PHACTR3: variants seen among roughly 807,000 people sequenced by gnomAD.
The protein encoded by PHACTR3 is protein phosphatase 1, regulatory subunit 123.
Under a neutral mutation model 66.8 loss-of-function variants are expected in PHACTR3, and 16 were observed. The observed-to-expected ratio is 0.24, with a 90% CI of 0.16 to 0.36. The LOEUF is 0.36. Among genes scored for constraint, PHACTR3 ranks in the 10% least tolerant of loss-of-function variants. The pLI is 1.00. For synonymous variants in PHACTR3, 323 were observed against 292.1 expected (o/e 1.11, Z -1.08); for missense variants, 647 against 719.9 (o/e 0.90, Z 1.16).
At chr20:59,729,199 A>G (rs539336807) in intron 1 of PHACTR3, among the ~76,000 whole-genome samples, 11 of 152,204 alleles carry the variant, frequency 7.2e-5, no homozygotes, top group African/African-American at 2.6e-4. Flanking sequence ...AAGGGAGGGC[A>G]TTGCGGGAAC....
chr20:59,815,583 C>T (rs2041865434), intron 8 of PHACTR3, among the ~76,000 whole-genome samples: 1 of 152,056 alleles, frequency 6.6e-6, no homozygotes, highest in Admixed American at 6.6e-5. Flanking sequence ...CACCACCATG[C>T]CCAGCTAACT....
At chr20:59,590,967 T>C (rs1600873565) in intron 1 of PHACTR3, among the ~76,000 whole-genome samples, 1 of 152,348 alleles carries the variant, frequency 6.6e-6, no homozygotes, top group East Asian at 1.9e-4. Context: ...GTCCCATATG[T>C]GGCTGTTGAA....
upstream of PHACTR3, among the ~76,000 whole-genome samples, chr20:59,601,493 C>T (rs1479574371): frequency 1.3e-5 from 2 of 152,206 alleles, no homozygotes; most frequent in Non-Finnish European, 2.9e-5. Flanking sequence ...TCAGGAGGGA[C>T]AATTGGTGAC....
intron 1 of PHACTR3, among the ~76,000 whole-genome samples, chr20:59,627,226 T>A (rs2034486038): frequency 6.6e-6 from 1 of 152,184 alleles, no homozygotes; most frequent in South Asian, 2.1e-4. Context: ...GCTGTGACCC[T>A]GGAAATGCAC....
intron 7 of PHACTR3, among the ~76,000 whole-genome samples, chr20:59,791,778 T>A (rs2041108697): frequency 7.4e-6 from 1 of 135,904 alleles, no homozygotes; most frequent in African/African-American, 2.7e-5. Context: ...GATGGTCCTG[T>A]TCCTGTGTCC....
chr20:59,659,916 C>T (rs374322739), intron 1 of PHACTR3, among the ~76,000 whole-genome samples: 2 of 152,172 alleles, frequency 1.3e-5, no homozygotes, highest in East Asian at 1.9e-4. Flanking sequence ...CTGGAGTGCT[C>T]CCTCTGCCCT....
chr20:59,788,770 A>G (rs527766656), intron 7 of PHACTR3, among the ~76,000 whole-genome samples: 1 of 152,174 alleles, frequency 6.6e-6, no homozygotes, highest in South Asian at 2.1e-4. Context: ...TTCCCGGGAA[A>G]CCCGCTCAAC....
rs373683984 is a variant in PHACTR3 at position 59,643,153 on chromosome 20, C to T, written c.118+38021C>T. On this transcript the variant is annotated intron_variant, in intron 1 of 12. Transcript: ENST00000371015. ...GTCTCGATCTCATGACCTTGTGATCCGCCCGCCTCGGCCTCCCAAAGTGCT... is the reference window on the plus strand; with the variant it reads ...GTCTCGATCTCATGACCTTGTGATCTGCCCGCCTCGGCCTCCCAAAGTGCT... Among the ~76,000 whole-genome samples the T allele has an allele frequency of 1.2e-4, 18 of 152,244 alleles. No individual in the cohort carries two copies. The East Asian group carries it at 3.1e-3, about 26-fold the overall frequency.
At chr20:59,674,552 C>T (rs59173535) in intron 1 of PHACTR3, among the ~76,000 whole-genome samples, 1 of 113,898 alleles carries the variant, frequency 8.8e-6, no homozygotes, top group Non-Finnish European at 1.7e-5. Flanking sequence ...TCTGTTCCCT[C>T]CTTCTCCTAT....
chr20:59,795,809 G>T (rs2041238598), intron 7 of PHACTR3, among the ~76,000 whole-genome samples: 1 of 151,996 alleles, frequency 6.6e-6, no homozygotes, highest in Non-Finnish European at 1.5e-5. Context: ...GTTTCAATTT[G>T]CATGGAGTAT....
intron 1 of PHACTR3, among the ~76,000 whole-genome samples, chr20:59,675,405 C>T (rs1168752411): frequency 6.6e-6 from 1 of 152,078 alleles, no homozygotes; most frequent in African/African-American, 2.4e-5. Flanking sequence ...CTCCTCCATC[C>T]CCTGCAGGAA....
chr20:59,762,334 G>A (rs2040020356), intron 4 of PHACTR3, among the ~76,000 whole-genome samples: 1 of 152,254 alleles, frequency 6.6e-6, no homozygotes. Context: ...GTGCCTTAAG[G>A]CAGTGGCACT....
intron 8 of PHACTR3, among the ~76,000 whole-genome samples, chr20:59,827,708 G>A (rs926955602): frequency 6.6e-6 from 1 of 152,132 alleles, no homozygotes; most frequent in East Asian, 1.9e-4. Context: ...GGCTCCAGGG[G>A]ACATATTTCT....
upstream of PHACTR3, among the ~76,000 whole-genome samples, chr20:59,599,852 C>T (rs1311955001): frequency 6.6e-6 from 1 of 152,176 alleles, no homozygotes; most frequent in Non-Finnish European, 1.5e-5. Flanking sequence ...GCTGCTGCTA[C>T]CACTCACCAG....
At chr20:59,775,521 C>T (rs1333844107) in intron 7 of PHACTR3, among the ~76,000 whole-genome samples, 1 of 152,112 alleles carries the variant, frequency 6.6e-6, no homozygotes, top group Admixed American at 6.5e-5. Flanking sequence ...CTTCCTGCTG[C>T]TTTGGAGCCT....
chr20:59,803,011 G>A (rs1405849437), intron 7 of PHACTR3, among the ~76,000 whole-genome samples: 3 of 152,182 alleles, frequency 2.0e-5, no homozygotes, highest in Non-Finnish European at 4.4e-5. Flanking sequence ...CTCTGGATCA[G>A]GTCCAATACA....
intron 4 of PHACTR3, among the ~76,000 whole-genome samples, chr20:59,763,974 T>C (rs568504379): frequency 6.6e-6 from 1 of 152,348 alleles, no homozygotes; most frequent in East Asian, 1.9e-4. Context: ...GAGCAGATAA[T>C]TGTAACTAAG....
rs2034575972 is a variant in PHACTR3, at chr20:59,629,234, C to T, written c.118+24102C>T. ...TTCTCTACGTTGTGCCCCCACCATG[C>T]TCCAGTGGCAGGGGCAGCCTCCTCC... On this transcript the variant is annotated intron_variant, in intron 1 of 12. Transcript: ENST00000371015. 1.3e-5 allele frequency among the ~76,000 whole-genome samples: 2 copies of T among 152,218 alleles called. 1 individual carries two copies. The highest frequency in any genetic ancestry group is 4.1e-4 in the South Asian group (2 of 4,834).
rs76773116 is a variant in PHACTR3 at position 59,640,926 on chromosome 20, T to A, written c.118+35794T>A. 5.6e-4 allele frequency among the ~76,000 whole-genome samples: 85 copies of A among 152,294 alleles called. 1 individual carries two copies. Among genetic ancestry groups the A allele is most frequent in the African/African-American group, 1.9e-3 (81 of 41,586 alleles). On this transcript the variant is annotated intron_variant, in intron 1 of 12. Transcript: ENST00000371015. Reference sequence around the variant, plus strand: ...GTAGAGTAGGGACTCATAACCAAGTTTATGCCATTATTGTTACAGGTTTCT... The same window carrying A: ...GTAGAGTAGGGACTCATAACCAAGTATATGCCATTATTGTTACAGGTTTCT...
Sources: allele counts gnomAD v4.1 joint callset (sites outside exome capture counted in the v4.1 genomes callset), GRCh38; gene constraint gnomAD v4.1.1; transcripts MANE v1.5; gene names NCBI Gene and HGNC (gene_info 2026-07-23, HGNC 2026-07-21).